Variants in MYCBP2 observed in about 807,000 individuals in gnomAD.
MYCBP2 encodes MYC binding protein 2.
Under a neutral mutation model 525.3 loss-of-function variants are expected in MYCBP2, and 120 were observed. The ratio of observed to expected loss-of-function variants is 0.23; its 90% CI spans 0.20 to 0.27. The LOEUF (loss-of-function observed/expected upper bound fraction) is 0.27. Ranked by LOEUF, MYCBP2 falls within the 10% of genes least tolerant of loss-of-function variation. The pLI is 1.00. For missense variants in MYCBP2, 4,149 were observed against 5,657.1 expected (o/e 0.73, Z 8.55); for synonymous variants, 1,894 against 1,955.8 (o/e 0.97, Z 0.83).
intron 34 of MYCBP2, among the ~76,000 whole-genome samples, chr13:77,178,845 T>C (rs2059954464): frequency 7.9e-6 from 1 of 126,974 alleles, no homozygotes; most frequent in Non-Finnish European, 1.8e-5. Flanking sequence ...GGGAGAACTC[T>C]TTAGTAAACT....
chr13:77,168,904 C>T (rs1269317038), intron 39 of MYCBP2, among the ~76,000 whole-genome samples: 1 of 152,064 alleles, frequency 6.6e-6, no homozygotes. Context: ...CTTAATTATG[C>T]CAAAGAATCA....
At chr13:77,193,782 C>T (rs934390958) in intron 27 of MYCBP2, among the ~76,000 whole-genome samples, 1 of 152,092 alleles carries the variant, frequency 6.6e-6, no homozygotes, top group African/African-American at 2.4e-5. Context: ...AACATGACCA[C>T]TTGACGCTAA....
Position 77,098,904 on chromosome 13 carries a change from C to A in MYCBP2, c.8250G>T (p.Arg2750=), listed in dbSNP as rs201739266. ...RSLKPDGRMS[R]TTADQKKPRG... Reference sequence around the variant, plus strand: ...TTGGCTTCTTCTGATCAGCAGTAGTCCGGCTCATACGTCCATCAGGTTTAA... The same window carrying A: ...TTGGCTTCTTCTGATCAGCAGTAGTACGGCTCATACGTCCATCAGGTTTAA... The change falls in exon 56 of 83, where the codon CGG becomes CGT. Residue 2750 remains arginine, a synonymous_variant. Transcript: ENST00000544440. The A allele has an allele frequency of 1.6e-4, 253 of 1,613,536 alleles. 1 individual carries two copies. Among genetic ancestry groups the A allele is most frequent in the Non-Finnish European group, 2.0e-4 (231 of 1,179,750 alleles).
intron 26 of MYCBP2, among the ~76,000 whole-genome samples, chr13:77,202,698 G>C (rs1189680684): frequency 2.6e-5 from 4 of 152,120 alleles, no homozygotes; most frequent in African/African-American, 9.6e-5. Flanking sequence ...TATCCACCAT[G>C]ATCAAGTGGG....
chr13:77,311,744 T>G (rs1939708628), intron 1 of MYCBP2, among the ~76,000 whole-genome samples: 1 of 151,402 alleles, frequency 6.6e-6, no homozygotes, highest in African/African-American at 2.4e-5. Context: ...AGAAAAAAAA[T>G]TGATAGGAGA....
At chr13:77,297,710 A>C (rs887439142) in intron 1 of MYCBP2, among the ~76,000 whole-genome samples, 19 of 152,244 alleles carry the variant, frequency 1.2e-4, no homozygotes, top group African/African-American at 4.6e-4. Context: ...AAATACCAAA[A>C]TGTCAACAAA....
At chr13:77,128,550 A>C (rs970607028) in intron 52 of MYCBP2, among the ~76,000 whole-genome samples, 4 of 151,946 alleles carry the variant, frequency 2.6e-5, no homozygotes, top group Non-Finnish European at 5.9e-5. Context: ...AAAAATTTAA[A>C]ATAATATTTT....
rs1430064208 is a variant in MYCBP2 at position 77,068,716 on chromosome 13, G to A, written c.12020C>T (p.Ala4007Val). 1.2e-6 allele frequency: 2 copies of A among 1,614,184 alleles called. No homozygotes were observed. The highest frequency in any genetic ancestry group is 3.3e-5 in the Admixed American group (2 of 60,016). The change falls in exon 70 of 83, where the codon GCC becomes GTC. Residue 4007 changes from alanine (A) to valine (V), a missense_variant. Ala to Val is a moderately conservative substitution (Grantham distance 64). Around this residue, in one of 21 missense-constraint regions of MYCBP2, gnomAD observed 64 missense variants for 131.2 expected, o/e 0.49. Coordinates refer to ENST00000544440, the MANE Select transcript of MYCBP2 (RefSeq NM_015057.5). ...NANSQPNDED[A>V]SSDAYCFELL... ...CTCAAAGCAGTAGGCATCAGAGGAG[G>A]CATCTTCATCATTTGGCTGAGAATT...
intron 55 of MYCBP2, among the ~76,000 whole-genome samples, chr13:77,116,106 C>T (rs1234333811): frequency 6.6e-6 from 1 of 151,838 alleles, no homozygotes; most frequent in Non-Finnish European, 1.5e-5. Flanking sequence ...GTTTCCTTCT[C>T]TGTAAAACAG....
chr13:77,191,753 C>T lies in MYCBP2; in HGVS notation c.3996G>A (p.Val1332=). The change falls in exon 28 of 83, where the codon GTG becomes GTA. Residue 1332 remains valine, a synonymous_variant. Coordinates refer to ENST00000544440, the MANE Select transcript of MYCBP2 (RefSeq NM_015057.5). The part of the protein sequence containing the change: ...PVLLQAGWWY[V]AWARVSGPSS... ...TGGGTCCTGACACTCGGGCCCATGC[C>T]ACATACCACCACCCAGCTTGCAGGA... The T allele has an allele frequency of 6.2e-7, 1 of 1,614,136 alleles. No individual in the cohort carries two copies.
At chr13:77,108,979 C>T (rs535782600) in intron 55 of MYCBP2, among the ~76,000 whole-genome samples, 2 of 152,272 alleles carry the variant, frequency 1.3e-5, no homozygotes, top group African/African-American at 4.8e-5. Flanking sequence ...AGGCATGAGC[C>T]ACTGTGCCCA....
chr13:77,185,930 A>G lies in MYCBP2; in HGVS notation c.4385T>C (p.Val1462Ala). Residue 1462 changes from valine (V) to alanine (A), a missense_variant, in exon 31 of 83, where the codon GTG becomes GCG. By Grantham distance (64) the Val-to-Ala change is moderately conservative. Coordinates refer to ENST00000544440, the MANE Select transcript of MYCBP2 (RefSeq NM_015057.5). ...CAATAACCTCAGACAACAGGTACCC[A>G]CAAAGCGCAGTCTCTCTAAATCTAG... ...TLLDLERLRF[V>A]GTCCLRLLRV... 6.2e-7 allele frequency: 1 copy of G among 1,613,448 alleles called. No homozygotes were observed. Among genetic ancestry groups the G allele is most frequent in the Non-Finnish European group, 8.5e-7 (1 of 1,179,786 alleles).
chr13:77,143,513 T>C (rs2055017737), intron 49 of MYCBP2, among the ~76,000 whole-genome samples: 1 of 152,212 alleles, frequency 6.6e-6, no homozygotes, highest in Non-Finnish European at 1.5e-5. Context: ...GACTGAGAGT[T>C]ACATCATCTG....
intron 55 of MYCBP2, among the ~76,000 whole-genome samples, chr13:77,105,056 C>T (rs1006180895): frequency 5.3e-5 from 8 of 151,944 alleles, no homozygotes; most frequent in Non-Finnish European, 1.5e-5. Flanking sequence ...CTTCAAGACA[C>T]GAACTAGAAC....
chr13:77,286,594 A>C (rs1356382319), intron 3 of MYCBP2, among the ~76,000 whole-genome samples: 2 of 148,804 alleles, frequency 1.3e-5, no homozygotes, highest in African/African-American at 4.9e-5. Context: ...TCTACTAAAA[A>C]TACAAAAAAA....
At chr13:77,133,357 T>A (rs968672747) in intron 52 of MYCBP2, among the ~76,000 whole-genome samples, 4 of 152,156 alleles carry the variant, frequency 2.6e-5, no homozygotes, top group Admixed American at 2.6e-4. Flanking sequence ...AACAGAATGA[T>A]CATATCAAAT....
chr13:77,054,032 T>C (rs1383566253), intron 80 of MYCBP2, among the ~76,000 whole-genome samples: 1 of 151,904 alleles, frequency 6.6e-6, no homozygotes, highest in East Asian at 1.9e-4. Context: ...AATCATGTGG[T>C]GGTGGTGTTG....
At chr13:77,216,179 C>T (rs1211558747) in intron 21 of MYCBP2, among the ~76,000 whole-genome samples, 6 of 151,990 alleles carry the variant, frequency 3.9e-5, no homozygotes, top group Non-Finnish European at 7.4e-5. Context: ...CTGGCCAAAT[C>T]GGAGATAATC....
intron 46 of MYCBP2, among the ~76,000 whole-genome samples, chr13:77,154,070 A>C (rs764483186): frequency 9.9e-5 from 15 of 152,222 alleles, no homozygotes; most frequent in Admixed American, 1.3e-4. Context: ...CTGCATAAAG[A>C]TTTTAACAAT....
Sources: allele counts gnomAD v4.1 joint callset (sites outside exome capture counted in the v4.1 genomes callset), GRCh38; gene constraint gnomAD v4.1.1; regional missense constraint gnomAD v4.1.1; transcripts MANE v1.5; gene names NCBI Gene and HGNC (gene_info 2026-07-23, HGNC 2026-07-21).